Variants in HDLBP observed in about 807,000 individuals in gnomAD.
HDLBP encodes high density lipoprotein binding protein, also known as vigilin.
Under a neutral mutation model 137.3 loss-of-function variants are expected in HDLBP, and 30 were observed. The observed-to-expected ratio is 0.22, with a 90% CI of 0.16 to 0.30. The LOEUF is 0.30. Ranked by LOEUF, HDLBP falls within the 10% of genes least tolerant of loss-of-function variation. The pLI, the probability that HDLBP is intolerant of heterozygous loss-of-function variation, is 1.00. For missense variants in HDLBP, 1,119 were observed against 1,667.3 expected (o/e 0.67, Z 5.73); for synonymous variants, 606 against 596.0 (o/e 1.02, Z -0.24).
intron 16 of HDLBP, 106 bp from the exon 17 acceptor site, chr2:241,242,784 G>A (rs1269860837): frequency 1.0e-6 from 1 of 980,120 alleles, no homozygotes; most frequent in African/African-American, 1.6e-5. Context: ...CGCAGGCCTA[G>A]AGCCCTGGAG....
chr2:241,260,658 T>C (rs925609016), intron 5 of HDLBP, among the ~76,000 whole-genome samples: 12 of 152,278 alleles, frequency 7.9e-5, no homozygotes, highest in African/African-American at 1.7e-4. Flanking sequence ...AAAGCACTGA[T>C]AGGGAACTTT....
intron 2 of HDLBP, 125 bp downstream of exon 2, chr2:241,268,352 G>A (rs1404204962): frequency 9.1e-6 from 5 of 551,568 alleles, no homozygotes; most frequent in Middle Eastern, 9.2e-4. Context: ...GACGAACCAC[G>A]AGAAACTTGA....
chr2:241,263,980 C>G (rs931946515), intron 4 of HDLBP, among the ~76,000 whole-genome samples: 13 of 152,050 alleles, frequency 8.5e-5, no homozygotes, highest in Non-Finnish European at 1.6e-4. Flanking sequence ...CTACTCAAAG[C>G]ATTCTCAATC....
chr2:241,242,262 A>G (rs2071313480), intron 17 of HDLBP, among the ~76,000 whole-genome samples, 198 bp downstream of exon 17: 1 of 152,230 alleles, frequency 6.6e-6, no homozygotes, highest in African/African-American at 2.4e-5. Context: ...ACTTTTATAT[A>G]TTGCATATGT....
At chr2:241,265,974 A>G (rs2073640438) in intron 3 of HDLBP, among the ~76,000 whole-genome samples, 1 of 152,252 alleles carries the variant, frequency 6.6e-6, no homozygotes, top group Admixed American at 6.5e-5. Flanking sequence ...GTGACTAAGG[A>G]AAAGTTAATT....
Position 241,314,115 on chromosome 2 carries a change from G to A in HDLBP, c.-103+1455C>T, listed in dbSNP as rs1260995451. The stretch of plus-strand genomic sequence containing the variant: ...TTGATAGGTTGATGTTTCAGACTCA[G>A]AGATTCGGTAATCCAAATGATGGAA... On this transcript the variant is annotated intron_variant, in intron 1 of 27. Coordinates refer to ENST00000310931, the MANE Select transcript of HDLBP (RefSeq NM_005336.6). 3.9e-5 allele frequency among the ~76,000 whole-genome samples: 6 copies of A among 152,244 alleles called. 1 individual carries two copies. Among genetic ancestry groups the A allele is most frequent in the Non-Finnish European group, 5.9e-5 (4 of 68,032 alleles).
chr2:241,229,729 C>A (rs768353963), intron 27 of HDLBP, 42 bp from the exon 28 acceptor site: 15 of 1,611,494 alleles, frequency 9.3e-6, no homozygotes, highest in Middle Eastern at 1.6e-4. Flanking sequence ...GGATGCTCCC[C>A]AACTCGCAAG....
Position 241,246,370 on chromosome 2 carries a change from T to G in HDLBP, c.1950+382A>C, listed in dbSNP as rs564999325. 2.6e-5 allele frequency among the ~76,000 whole-genome samples: 4 copies of G among 152,266 alleles called. No homozygotes were observed. The South Asian group carries it at 8.3e-4, about 32-fold the overall frequency. Reference sequence around the variant, plus strand: ...ATTTTTGGGGTGATGGTGGGAATGATTCCATGGATGTATACACACGTCAAA... The same window carrying G: ...ATTTTTGGGGTGATGGTGGGAATGAGTCCATGGATGTATACACACGTCAAA... On this transcript the variant is annotated intron_variant, in intron 16 of 27. Coordinates refer to ENST00000310931, the MANE Select transcript of HDLBP (RefSeq NM_005336.6).
At position 241,229,911 on chromosome 2, in the gene HDLBP, TG is replaced by T; in HGVS notation, c.3641del (p.Pro1214GlnfsTer31). ...SEALQVYMKP[P>X]AHEEAKAPSR... ...AAGGTGCCTTGGCCTCTTCGTGTGC[TG>T]GGGGTTTCATGTATACCTGCAGCGC... is the stretch of plus-strand genomic sequence containing the variant. On this transcript the variant is annotated frameshift_variant, in exon 27 of 28. Coordinates refer to ENST00000310931, the MANE Select transcript of HDLBP (RefSeq NM_005336.6). LOFTEE classifies it high-confidence loss of function. The T allele has an allele frequency of 6.2e-7, 1 of 1,601,114 alleles. No homozygotes were observed. Among genetic ancestry groups the T allele is most frequent in the South Asian group, 1.1e-5 (1 of 89,282 alleles).
chr2:241,230,302 C>G lies in HDLBP; in HGVS notation c.3475-33G>C. ...GGGTGTACAACGTCAGATGAGGGGACTCCAAGCGAGGAAAAGGGTTAAAAT... is the reference window on the plus strand; with the variant it reads ...GGGTGTACAACGTCAGATGAGGGGAGTCCAAGCGAGGAAAAGGGTTAAAAT... On this transcript the variant is annotated intron_variant, in intron 25 of 27. Transcript: ENST00000310931. The surrounding 1 kb of genome is among the most constrained non-coding windows in gnomAD (Gnocchi z 5.0). 2 of 1,307,618 alleles carry G rather than the reference C, an allele frequency of 1.5e-6. No individual in the cohort carries two copies. Among genetic ancestry groups the G allele is most frequent in the Non-Finnish European group, 2.1e-6 (2 of 935,284 alleles). 81.0% of individuals were successfully genotyped at this position (1,307,618 alleles called of 1,614,324 possible).
At chr2:241,286,648 G>C (rs1386380032) in intron 1 of HDLBP, among the ~76,000 whole-genome samples, 1 of 152,184 alleles carries the variant, frequency 6.6e-6, no homozygotes, top group Non-Finnish European at 1.5e-5. Context: ...CACGTCATCA[G>C]GACCTCCTGA....
chr2:241,229,795 C>CCCCCCCGGA, intron 27 of HDLBP, 38 bp downstream of exon 27: 1 of 1,561,874 alleles, frequency 6.4e-7, no homozygotes, highest in South Asian at 1.2e-5. Context: ...CCCGCCCACC[C>CCCCCCCGGA]TCCCTGGGAC....
intron 21 of HDLBP, 21 bp from the exon 22 acceptor site, chr2:241,235,615 G>A (rs1197042817): frequency 1.3e-6 from 2 of 1,566,558 alleles, no homozygotes; most frequent in South Asian, 1.1e-5. Flanking sequence ...GATGGTCATG[G>A]TTAGGCCGTG....
In HDLBP at chr2:241,272,498, T is replaced by A. The variant is rs2149584088; in HGVS notation, c.-102-3957A>T. ...CGGCGCCACCGGACTTGAGAAAGTTTGTGCGCGCCCCTCCGCGCCACGGCC... is the reference window on the plus strand; with the variant it reads ...CGGCGCCACCGGACTTGAGAAAGTTAGTGCGCGCCCCTCCGCGCCACGGCC... On this transcript the variant is annotated intron_variant, in intron 1 of 27. Transcript: ENST00000310931. The surrounding 1 kb of genome is among the most constrained non-coding windows in gnomAD (Gnocchi z 5.6). The A allele has an allele frequency of 1.0e-6, 1 of 983,988 alleles. No homozygotes were observed. Among genetic ancestry groups the A allele is most frequent in the South Asian group, 4.7e-5 (1 of 21,248 alleles). The allele number at this position is 983,988 out of a possible 1,614,324, so 61.0% of individuals were successfully genotyped here.
At chr2:241,284,901 G>A in intron 1 of HDLBP, among the ~76,000 whole-genome samples, 1 of 152,196 alleles carries the variant, frequency 6.6e-6, no homozygotes, top group South Asian at 2.1e-4. Flanking sequence ...TTGAGATGGA[G>A]TCTCACTCAG....
intron 1 of HDLBP, among the ~76,000 whole-genome samples, chr2:241,283,117 A>C (rs2074669730): frequency 6.6e-6 from 1 of 152,228 alleles, no homozygotes; most frequent in African/African-American, 2.4e-5. Flanking sequence ...GCTGATAAGG[A>C]GAAAGTTTGA....
chr2:241,305,196 T>G (rs535124129), intron 1 of HDLBP, among the ~76,000 whole-genome samples: 1 of 152,340 alleles, frequency 6.6e-6, no homozygotes, highest in South Asian at 2.1e-4. Flanking sequence ...CGATCTTGGC[T>G]CACTGCAGCC....
chr2:241,306,737 A>C (rs995620989), intron 1 of HDLBP, among the ~76,000 whole-genome samples: 1 of 151,498 alleles, frequency 6.6e-6, no homozygotes, highest in Non-Finnish European at 1.5e-5. Context: ...GCAAAACCCT[A>C]TCTCTACTAT....
At chr2:241,232,125 A>C (rs1188455076) in intron 24 of HDLBP, among the ~76,000 whole-genome samples, 2 of 152,198 alleles carry the variant, frequency 1.3e-5, no homozygotes, top group Non-Finnish European at 2.9e-5. Flanking sequence ...CAGAGCTGAC[A>C]GCCTCAGGCA....
Sources: allele counts gnomAD v4.1 joint callset (sites outside exome capture counted in the v4.1 genomes callset), GRCh38; gene constraint gnomAD v4.1.1; non-coding constraint Gnocchi (gnomAD v3.1); transcripts MANE v1.5; gene names NCBI Gene and HGNC (gene_info 2026-07-23, HGNC 2026-07-21).